The following KCNK12 variants were observed in gnomAD, a reference collection of about 807,000 sequenced individuals.
KCNK12 encodes the protein potassium two pore domain channel subfamily K member 12.
KCNK12 carries 6 observed loss-of-function variants against 25.3 expected under a neutral mutation model. That is an observed-to-expected ratio of 0.24 (90% CI 0.13 to 0.47). The LOEUF (loss-of-function observed/expected upper bound fraction) is 0.47, where lower values mean the gene tolerates loss of function less well. Ranked by LOEUF, KCNK12 falls within the 20% of genes least tolerant of loss-of-function variation. The pLI is 0.99. For synonymous variants in KCNK12, 331 were observed against 311.1 expected, an observed-to-expected ratio of 1.06 and a Z score of -0.67; for missense variants, 444 against 661.7, an observed-to-expected ratio of 0.67 and a Z score of 3.61.
rs935009487 is a variant in KCNK12 at position 47,513,401 on chromosome 2, C to A, written c.*7506G>T. Among the ~76,000 whole-genome samples, 2 of 152,186 alleles carry A rather than the reference C, an allele frequency of 1.3e-5. No homozygotes were observed. Among genetic ancestry groups the A allele is most frequent in the African/African-American group, 4.8e-5 (2 of 41,444 alleles). ...ACCCTTGTTTCCCTTGGCTTTGTGG[C>A]ATCCTGTGCTCTTGGTTTTCTCCCA... On this transcript the variant is annotated 3_prime_UTR_variant, in exon 2 of 2. Transcript: ENST00000327876.
intron 1 of KCNK12, among the ~76,000 whole-genome samples, chr2:47,524,884 C>A (rs1668736336): frequency 6.6e-6 from 1 of 152,136 alleles, no homozygotes; most frequent in Non-Finnish European, 1.5e-5. Context: ...CAGACTCCCA[C>A]CTCTTTGTCC....
At chr2:47,554,189 T>C (rs1432160042) in intron 1 of KCNK12, among the ~76,000 whole-genome samples, 1 of 152,124 alleles carries the variant, frequency 6.6e-6, no homozygotes, top group Non-Finnish European at 1.5e-5. Context: ...GGGAATATAA[T>C]AGTGGACAAG....
In KCNK12 at chr2:47,547,654, G is replaced by T. The variant is rs1669342122; in HGVS notation, c.391+22287C>A. On this transcript the variant is annotated intron_variant, in intron 1 of 1. Coordinates refer to ENST00000327876, the MANE Select transcript of KCNK12 (RefSeq NM_022055.2). The surrounding 1 kb of genome is among the most constrained non-coding windows in gnomAD (Gnocchi z 5.0). ...ATTCTGTCACCCAGGCTGGAGTGCA[G>T]TACCATGATCTTGACTCACAGCAAC... Among the ~76,000 whole-genome samples the T allele has an allele frequency of 6.6e-6, 1 of 152,070 alleles. No homozygotes were observed. The highest frequency in any genetic ancestry group is 2.4e-5 in the African/African-American group (1 of 41,402).
At chr2:47,526,295 A>G (rs1415013034) in intron 1 of KCNK12, among the ~76,000 whole-genome samples, 2 of 150,790 alleles carry the variant, frequency 1.3e-5, no homozygotes, top group Non-Finnish European at 2.9e-5. Context: ...AGTCCCAGCT[A>G]CTCGGGAGGC....
intron 1 of KCNK12, among the ~76,000 whole-genome samples, chr2:47,561,039 G>A (rs11690214): frequency 0.016 from 2,386 of 152,270 alleles, 33 homozygotes; most frequent in Non-Finnish European, 0.022. Flanking sequence ...TTCCTTCAGC[G>A]ACCTTCACCC....
At position 47,529,196 on chromosome 2, in the gene KCNK12, T is replaced by C. The variant is rs1668863644; in HGVS notation, c.392-7388A>G. ...ATACTTCTGAGAGTGAAAGTGGCTC[T>C]ACTAGTAATTACCCCAGGACAGCAT... On this transcript the variant is annotated intron_variant, in intron 1 of 1. Coordinates refer to ENST00000327876, the MANE Select transcript of KCNK12 (RefSeq NM_022055.2). This position sits in a 1 kb window ranked among gnomAD's most constrained non-coding sequence, Gnocchi z 4.3. The C allele has an allele frequency of 6.6e-6, 1 of 152,202 alleles. No homozygotes were observed. The highest frequency in any genetic ancestry group is 2.1e-4 in the South Asian group (1 of 4,830). 9.4% of individuals were successfully genotyped at this position (152,202 alleles called of 1,614,324 possible).
At chr2:47,563,412 T>C (rs1221275180) in intron 1 of KCNK12, 1 of 233,162 alleles carries the variant, frequency 4.3e-6, no homozygotes, top group Non-Finnish European at 8.5e-6. Context: ...TGTGGGAGAG[T>C]GAGAGAGATA....
At chr2:47,544,499 A>G (rs1443952216) in intron 1 of KCNK12, among the ~76,000 whole-genome samples, 1 of 152,238 alleles carries the variant, frequency 6.6e-6, no homozygotes. Flanking sequence ...TTCCTACTGA[A>G]ACACATTGGT....
intron 1 of KCNK12, chr2:47,563,770 A>T: frequency 4.3e-6 from 1 of 232,920 alleles, no homozygotes; most frequent in Middle Eastern, 1.3e-3. Context: ...GAAAGTTATG[A>T]AGGATCTTTG....
intron 1 of KCNK12, among the ~76,000 whole-genome samples, chr2:47,522,498 G>A (rs1668681015): frequency 6.6e-6 from 1 of 152,066 alleles, no homozygotes; most frequent in Admixed American, 6.5e-5. Flanking sequence ...TCTTTTTTGG[G>A]GGGATAGGTT....
chr2:47,559,028 T>A (rs1669608132), intron 1 of KCNK12, among the ~76,000 whole-genome samples: 1 of 152,194 alleles, frequency 6.6e-6, no homozygotes, highest in Non-Finnish European at 1.5e-5. Context: ...CAGGGCCAGA[T>A]AGGAAATCTG....
chr2:47,568,711 T>C (rs909728995), intron 1 of KCNK12, among the ~76,000 whole-genome samples: 2 of 152,138 alleles, frequency 1.3e-5, no homozygotes, highest in Non-Finnish European at 2.9e-5. Context: ...CCAGAAGGTG[T>C]GTCTATGAAA....
chr2:47,530,689 G>A (rs529022021), intron 1 of KCNK12, among the ~76,000 whole-genome samples: 60 of 152,096 alleles, frequency 3.9e-4, no homozygotes, highest in Non-Finnish European at 2.2e-4. Flanking sequence ...CTCTAAAATC[G>A]TGCATCTTAC....
intron 1 of KCNK12, among the ~76,000 whole-genome samples, chr2:47,534,515 A>ATCCCCCC (rs1558553053): frequency 2.1e-5 from 1 of 48,162 alleles, no homozygotes. Flanking sequence ...GCCCCTTCTA[A>ATCCCCCC]CCCCCCCCCC....
chr2:47,548,711 T>C lies in KCNK12; in HGVS notation c.391+21230A>G, dbSNP rs1465502721. Among the ~76,000 whole-genome samples, 1 of 152,122 alleles carries C rather than the reference T, an allele frequency of 6.6e-6. No homozygotes were observed. Among genetic ancestry groups the C allele is most frequent in the Non-Finnish European group, 1.5e-5 (1 of 68,020 alleles). On this transcript the variant is annotated intron_variant, in intron 1 of 1. Coordinates refer to ENST00000327876, the MANE Select transcript of KCNK12 (RefSeq NM_022055.2). The surrounding 1 kb of genome is among the most constrained non-coding windows in gnomAD (Gnocchi z 4.4). The stretch of plus-strand genomic sequence containing the variant: ...TCTATGAGATAATTATTTTCAGACA[T>C]TGGAAAAAAGGTAGTTCAGGATTAT...
chr2:47,567,527 A>C (rs1669807984), intron 1 of KCNK12, among the ~76,000 whole-genome samples: 1 of 152,246 alleles, frequency 6.6e-6, no homozygotes, highest in Non-Finnish European at 1.5e-5. Flanking sequence ...CAATTATGCT[A>C]CTTGGGGATT....
rs1668499289 is a variant in KCNK12 at position 47,515,288 on chromosome 2, A to T, written c.*5619T>A. 6.6e-6 allele frequency among the ~76,000 whole-genome samples: 1 copy of T among 152,216 alleles called. No individual in the cohort carries two copies. Among genetic ancestry groups the T allele is most frequent in the Non-Finnish European group, 1.5e-5 (1 of 68,036 alleles). ...TTTCTCAGATTGCTGGGTGTAATTC[A>T]TAGGCAGATCATGAAATCAGTTTAA... On this transcript the variant is annotated 3_prime_UTR_variant, in exon 2 of 2. Transcript: ENST00000327876.
intron 1 of KCNK12, among the ~76,000 whole-genome samples, chr2:47,537,095 C>G (rs774799632): frequency 1.3e-5 from 2 of 152,240 alleles, no homozygotes; most frequent in Non-Finnish European, 2.9e-5. Flanking sequence ...CCTCCCAGCC[C>G]CACTGTGAGT....
rs1377627178 is a variant in KCNK12 at position 47,557,912 on chromosome 2, G to A, written c.391+12029C>T. 6.6e-6 allele frequency among the ~76,000 whole-genome samples: 1 copy of A among 152,206 alleles called. No individual in the cohort carries two copies. The highest frequency in any genetic ancestry group is 1.5e-5 in the Non-Finnish European group (1 of 68,034). ...GACTTCATGCAGCTGCTGGGTTCCT[G>A]ACATTGGTTACAAGTTACATCTCTC... On this transcript the variant is annotated intron_variant, in intron 1 of 1. Coordinates refer to ENST00000327876, the MANE Select transcript of KCNK12 (RefSeq NM_022055.2). This position sits in a 1 kb window ranked among gnomAD's most constrained non-coding sequence, Gnocchi z 4.9.
Sources: allele counts gnomAD v4.1 joint callset (sites outside exome capture counted in the v4.1 genomes callset), GRCh38; gene constraint gnomAD v4.1.1; non-coding constraint Gnocchi (gnomAD v3.1); transcripts MANE v1.5; gene names NCBI Gene and HGNC (gene_info 2026-07-23, HGNC 2026-07-21).